The following CTC1 variants were observed in gnomAD, a reference collection of about 807,000 sequenced individuals.
The protein encoded by CTC1 is CST complex subunit CTC1.
A neutral mutation model predicts 136.3 loss-of-function variants in CTC1; 91 were observed. The ratio of observed to expected loss-of-function variants is 0.67; its 90% CI spans 0.56 to 0.79. The LOEUF (loss-of-function observed/expected upper bound fraction) is 0.79, where lower values mean the gene tolerates loss of function less well. Among genes scored for constraint, CTC1 ranks in the 30% least tolerant of loss-of-function variants. The pLI is 0.00. For synonymous variants in CTC1, 606 were observed against 613.8 expected, an observed-to-expected ratio of 0.99 and a Z score of 0.19; for missense variants, 1,432 against 1,498.1, an observed-to-expected ratio of 0.96 and a Z score of 0.73.
At position 8,226,451 on chromosome 17, in the gene CTC1, A is replaced by G. The variant is rs1171301657; in HGVS notation, c.*1729T>C. On this transcript the variant is annotated 3_prime_UTR_variant, in exon 23 of 23. Coordinates refer to ENST00000651323, the MANE Select transcript of CTC1 (RefSeq NM_025099.6). Reference sequence around the variant, plus strand: ...CTTGTCCATTCCTCGGATTTCCTTCAATGTCCAAAGACGTTAATCATAGAT... The same window carrying G: ...CTTGTCCATTCCTCGGATTTCCTTCGATGTCCAAAGACGTTAATCATAGAT... 1 of 152,210 alleles carries G rather than the reference A, an allele frequency of 6.6e-6. No homozygotes were observed. The highest frequency in any genetic ancestry group is 2.4e-5 in the African/African-American group (1 of 41,456). The allele number at this position is 152,210 out of a possible 1,614,324, so 9.4% of individuals were successfully genotyped here.
rs533674362 is a variant in CTC1 at position 8,226,760 on chromosome 17, T to G, written c.*1420A>C. 5 of 152,090 alleles carry G rather than the reference T, an allele frequency of 3.3e-5. No individual in the cohort carries two copies. The highest frequency in any genetic ancestry group is 1.2e-4 in the African/African-American group (5 of 41,430). 9.4% of individuals were successfully genotyped at this position (152,090 alleles called of 1,614,324 possible). ...CTTGACTGACAAACATCTGCCTCCA[T>G]GAAAGCGCTTCAGGGAAAAAAAGAC... On this transcript the variant is annotated 3_prime_UTR_variant, in exon 23 of 23. Transcript: ENST00000651323.
chr17:8,237,850 GGCACAGATCCCTT>G (rs1987877426), intron 4 of CTC1, among the ~76,000 whole-genome samples, 168 bp downstream of exon 4: 1 of 152,052 alleles, frequency 6.6e-6, no homozygotes. Context: ...CCTTAGGTAA[GGCACAGATCCCTT>G]GAACAACCCT....
chr17:8,229,991 G>A (rs1414451500), intron 17 of CTC1, 23 bp from the exon 18 acceptor site: 5 of 1,610,858 alleles, frequency 3.1e-6, no homozygotes, highest in Non-Finnish European at 4.2e-6. Flanking sequence ...GAGGAATAGT[G>A]AGTGACCAGG....
At chr17:8,228,345 C>G (rs759363228) in intron 22 of CTC1, 26 bp from the exon 23 acceptor site, 1 of 1,612,332 alleles carries the variant, frequency 6.2e-7, no homozygotes, top group South Asian at 1.1e-5. Flanking sequence ...AGGAAAAACA[C>G]ACGTCTCAGG....
At chr17:8,233,811 C>G (rs979643271) in intron 10 of CTC1, among the ~76,000 whole-genome samples, 1 of 151,666 alleles carries the variant, frequency 6.6e-6, no homozygotes, top group African/African-American at 2.4e-5. Flanking sequence ...GTGGTGAACG[C>G]CCGTAGTCTC....
At position 8,228,148 on chromosome 17, in the gene CTC1, G is replaced by C. The variant is rs931194879; in HGVS notation, c.*32C>G. On this transcript the variant is annotated 3_prime_UTR_variant, in exon 23 of 23. Coordinates refer to ENST00000651323, the MANE Select transcript of CTC1 (RefSeq NM_025099.6). ...ACCTAGGCCTTCAGGTTTTCAGCAAGGAAGGACTCTCAGGCCATCCTTGCA... is the reference window on the plus strand; with the variant it reads ...ACCTAGGCCTTCAGGTTTTCAGCAACGAAGGACTCTCAGGCCATCCTTGCA... 1.2e-6 allele frequency: 2 copies of C among 1,604,504 alleles called. No homozygotes were observed. Among genetic ancestry groups the C allele is most frequent in the Admixed American group, 1.7e-5 (1 of 59,850 alleles).
Position 8,234,463 on chromosome 17 carries a change from G to A in CTC1, c.1810C>T (p.Pro604Ser). The part of the protein sequence containing the change: ...WLCLLPSAFC[P>S]AQVLLGVLVA... The stretch of plus-strand genomic sequence containing the variant: ...GCTAGGGTCCCCCTTACCTGGGCTG[G>A]GCAGAAGGCAGAGGGCAGCAGACAG... The change falls in exon 10 of 23, where the codon CCA becomes TCA. Residue 604 changes from proline to serine, a missense_variant. By Grantham distance (74) the Pro-to-Ser change is moderately conservative (BLOSUM62 -1). Coordinates refer to ENST00000651323, the MANE Select transcript of CTC1 (RefSeq NM_025099.6). 1.9e-6 allele frequency: 3 copies of A among 1,552,022 alleles called. No individual in the cohort carries two copies. The highest frequency in any genetic ancestry group is 2.6e-6 in the Non-Finnish European group (3 of 1,147,084).
At position 8,228,301 on chromosome 17, in the gene CTC1, C is replaced by A. The variant is rs764813118; in HGVS notation, c.3533G>T (p.Arg1178Leu). Residue 1178 changes from arginine (R) to leucine (L), a missense_variant, in exon 23 of 23, where the codon CGA becomes CTA. By Grantham distance (102) the Arg-to-Leu change is moderately radical. Transcript: ENST00000651323. ...IVPLEPPRLQ[R>L]FQCGELPFLT... ...GAAAGGGAGCTCTCCACACTGGAATCGCTGTAGCCGAGGAGGTTCTGAGGT... is the reference window on the plus strand; with the variant it reads ...GAAAGGGAGCTCTCCACACTGGAATAGCTGTAGCCGAGGAGGTTCTGAGGT... 1 of 1,614,096 alleles carries A rather than the reference C, an allele frequency of 6.2e-7. No homozygotes were observed. The highest frequency in any genetic ancestry group is 1.1e-5 in the South Asian group (1 of 91,080).
chr17:8,240,010 A>C (rs1444729358), intron 2 of CTC1, among the ~76,000 whole-genome samples: 1 of 152,068 alleles, frequency 6.6e-6, no homozygotes, highest in African/African-American at 2.4e-5. Flanking sequence ...CCCTGTAAAC[A>C]CCACCAATGG....
chr17:8,240,813 T>C (rs926607024), intron 2 of CTC1, among the ~76,000 whole-genome samples: 4 of 151,548 alleles, frequency 2.6e-5, no homozygotes, highest in Non-Finnish European at 4.4e-5. Context: ...GAGGCGGAGG[T>C]TGCAGTGAGC....
intron 4 of CTC1, 52 bp downstream of exon 4, chr17:8,237,978 GC>G: frequency 7.0e-7 from 1 of 1,427,992 alleles, no homozygotes; most frequent in Non-Finnish European, 9.8e-7. Context: ...CACTGACCCA[GC>G]ATCATCCTTC....
Position 8,229,905 on chromosome 17 carries a change from A to G in CTC1, c.2997T>C (p.Pro999=). Residue 999 remains proline (P), a synonymous_variant, in exon 18 of 23, where the codon CCT becomes CCC. Coordinates refer to ENST00000651323, the MANE Select transcript of CTC1 (RefSeq NM_025099.6). ...TGGGCACTGACCTGATGGTGGTCTC[A>G]GGGGGAAAACTCAGGACCTGCACAT... ...STYVQVLSFP[P]ETTISIPLPH... 6.2e-7 allele frequency: 1 copy of G among 1,613,958 alleles called. No homozygotes were observed. Among genetic ancestry groups the G allele is most frequent in the Non-Finnish European group, 8.5e-7 (1 of 1,179,880 alleles).
intron 1 of CTC1, among the ~76,000 whole-genome samples, chr17:8,244,571 G>A (rs955637152): frequency 1.3e-5 from 2 of 151,794 alleles, no homozygotes; most frequent in Non-Finnish European, 2.9e-5. Flanking sequence ...TGTCGCCCAG[G>A]CTGGAGTGCA....
At chr17:8,242,579 T>TATATATATATATATATATAC (rs1248128493) in intron 2 of CTC1, among the ~76,000 whole-genome samples, 1 of 127,944 alleles carries the variant, frequency 7.8e-6, no homozygotes, top group African/African-American at 2.8e-5. Flanking sequence ...TATATATATA[T>TATATATATATATATATATAC]ACACATATAT....
chr17:8,243,585 T>C (rs1241329694), intron 1 of CTC1, among the ~76,000 whole-genome samples: 2 of 152,026 alleles, frequency 1.3e-5, no homozygotes, highest in Non-Finnish European at 2.9e-5. Context: ...TAAAGGAATT[T>C]AGAACTTGAA....
At position 8,225,660 on chromosome 17, in the gene CTC1, T is replaced by TGCCAG. The variant is rs1358021769; in HGVS notation, c.*2515_*2519dup. 6.6e-6 allele frequency: 1 copy of TGCCAG among 152,162 alleles called. No individual in the cohort carries two copies. The highest frequency in any genetic ancestry group is 2.4e-5 in the African/African-American group (1 of 41,406). The allele number at this position is 152,162 out of a possible 1,614,324, so 9.4% of individuals were successfully genotyped here. A position where few individuals can be genotyped will look rare whatever the true frequency, so the allele number is the denominator to read the frequency against. Reference sequence around the variant, plus strand: ...CTGCACCCTGCTGCACGAAACCTGGTGCCAGGCCAGGCCAGGCCAGCCGGA... The same window carrying TGCCAG: ...CTGCACCCTGCTGCACGAAACCTGGTGCCAGGCCAGGCCAGGCCAGGCCAGCCGGA... On this transcript the variant is annotated 3_prime_UTR_variant, in exon 23 of 23. Coordinates refer to ENST00000651323, the MANE Select transcript of CTC1 (RefSeq NM_025099.6).
chr17:8,242,239 G>C (rs1326812543), intron 2 of CTC1, among the ~76,000 whole-genome samples: 1 of 151,768 alleles, frequency 6.6e-6, no homozygotes, highest in Non-Finnish European at 1.5e-5. Flanking sequence ...CAGCATGTTG[G>C]GCAGGCTGAC....
intron 1 of CTC1, 75 bp from the exon 2 acceptor site, chr17:8,243,223 A>G: frequency 7.0e-7 from 1 of 1,427,208 alleles, no homozygotes; most frequent in Non-Finnish European, 9.5e-7. Context: ...ATAAAGGACT[A>G]GAAAAAAATA....
intron 2 of CTC1, 38 bp downstream of exon 2, chr17:8,242,947 G>GC (rs1567621003): frequency 7.7e-6 from 12 of 1,562,304 alleles, no homozygotes; most frequent in Non-Finnish European, 9.6e-6. Context: ...TTCAATACCT[G>GC]CCCCTGCCCA....
Sources: allele counts gnomAD v4.1 joint callset (sites outside exome capture counted in the v4.1 genomes callset), GRCh38; gene constraint gnomAD v4.1.1; transcripts MANE v1.5; gene names NCBI Gene and HGNC (gene_info 2026-07-23, HGNC 2026-07-21).